Variants in GIN1 observed in about 807,000 individuals in gnomAD.
GIN1 encodes the protein gypsy retrotransposon integrase-like protein 1.
Under a neutral mutation model 51.4 loss-of-function variants are expected in GIN1, and 41 were observed. That is an observed-to-expected ratio of 0.80 (90% CI 0.62 to 1.04). The LOEUF (loss-of-function observed/expected upper bound fraction) is 1.04. GIN1 is among the 50% of genes least tolerant of loss of function. The pLI, the probability that GIN1 is intolerant of heterozygous loss-of-function variation, is 0.00. For missense variants in GIN1, 610 were observed against 612.4 expected (o/e 1.00, Z 0.04); for synonymous variants, 222 against 206.5 (o/e 1.07, Z -0.64).
At chr5:103,115,215 T>C (rs1554197268) in intron 1 of GIN1, among the ~76,000 whole-genome samples, 10 of 152,038 alleles carry the variant, frequency 6.6e-5, no homozygotes. Flanking sequence ...TCTAGTGGGG[T>C]TAAAAGTTTT....
At chr5:103,104,165 G>A (rs1787655291) in intron 4 of GIN1, among the ~76,000 whole-genome samples, 1 of 152,070 alleles carries the variant, frequency 6.6e-6, no homozygotes, top group African/African-American at 2.4e-5. Context: ...TATTGCCCAG[G>A]TGGTCTCGAA....
chr5:103,118,664 C>T (rs1053186617), intron 1 of GIN1, among the ~76,000 whole-genome samples: 1 of 142,850 alleles, frequency 7.0e-6, no homozygotes, highest in Admixed American at 7.1e-5. Flanking sequence ...AAACTCAGTT[C>T]ACGAAAAGCA....
chr5:103,116,920 G>A (rs1554197420), intron 1 of GIN1, among the ~76,000 whole-genome samples: 1 of 151,960 alleles, frequency 6.6e-6, no homozygotes, highest in African/African-American at 2.4e-5. Flanking sequence ...AACAATGCTA[G>A]GTACTACCAA....
chr5:103,110,607 C>G (rs549847162), intron 1 of GIN1, among the ~76,000 whole-genome samples: 2 of 152,232 alleles, frequency 1.3e-5, no homozygotes, highest in East Asian at 1.9e-4. Context: ...TTGGTGAAGA[C>G]AGGCAGCAAC....
In GIN1 at chr5:103,097,743, T is replaced by G. The variant is rs1210264451; in HGVS notation, c.678A>C (p.Gln226His). 84 of 1,580,884 alleles carry G rather than the reference T, an allele frequency of 5.3e-5. No homozygotes were observed. The highest frequency in any genetic ancestry group is 7.0e-5 in the Non-Finnish European group (81 of 1,149,662). The change falls in exon 5 of 8, where the codon CAA becomes CAC. Residue 226 changes from glutamine to histidine, a missense_variant. Transcript: ENST00000399004. ...TTCCAGAGGTGTGAGAAATTACAATTTGCTTTATGCCAAACAATCTGTACA... is the reference window on the plus strand; with the variant it reads ...TTCCAGAGGTGTGAGAAATTACAATGTGCTTTATGCCAAACAATCTGTACA... Reference protein sequence around the residue: ...IELYRLFGIKQIVISHTSGTV... With the variant: ...IELYRLFGIKHIVISHTSGTV...
chr5:103,102,928 G>T (rs1173131133), intron 4 of GIN1, among the ~76,000 whole-genome samples: 2 of 152,144 alleles, frequency 1.3e-5, no homozygotes, highest in African/African-American at 2.4e-5. Context: ...TTCAATTTAT[G>T]AGTATTTTAA....
At chr5:103,091,762 C>T (rs182580409) in intron 7 of GIN1, among the ~76,000 whole-genome samples, 6 of 151,846 alleles carry the variant, frequency 4.0e-5, no homozygotes, top group East Asian at 1.9e-4. Context: ...TGGTGGCTCA[C>T]GCCTGTAATC....
intron 7 of GIN1, among the ~76,000 whole-genome samples, chr5:103,090,276 G>A (rs1288249479): frequency 2.0e-5 from 3 of 152,148 alleles, no homozygotes; most frequent in South Asian, 4.1e-4. Flanking sequence ...GTGACAGAGC[G>A]AGACTCTGTC....
chr5:103,092,941 G>A (rs1554194688), intron 7 of GIN1, among the ~76,000 whole-genome samples: 1 of 34,426 alleles, frequency 2.9e-5, no homozygotes, highest in East Asian at 8.5e-4. Flanking sequence ...GTAAGAACCT[G>A]TCTCAAAAAA....
At chr5:103,093,676 T>C (rs1332122829) in intron 7 of GIN1, among the ~76,000 whole-genome samples, 16 of 152,332 alleles carry the variant, frequency 1.1e-4, no homozygotes, top group Admixed American at 7.8e-4. Flanking sequence ...GCTAAAACCT[T>C]GGGTGAGGCA....
At chr5:103,092,945 CAAAAAAAAAAA>C (rs5870040) in intron 7 of GIN1, among the ~76,000 whole-genome samples, 1 of 60,476 alleles carries the variant, frequency 1.7e-5, no homozygotes, top group Non-Finnish European at 2.9e-5. Context: ...GAACCTGTCT[CAAAAAAAAAAA>C]AAAAAAAAAA....
chr5:103,103,866 T>G (rs1787644182), intron 4 of GIN1, among the ~76,000 whole-genome samples: 1 of 152,158 alleles, frequency 6.6e-6, no homozygotes, highest in Non-Finnish European at 1.5e-5. Context: ...CTCAGTTCAT[T>G]GTAACCTCCG....
chr5:103,114,113 A>G (rs1022284664), intron 1 of GIN1, among the ~76,000 whole-genome samples: 4 of 152,166 alleles, frequency 2.6e-5, no homozygotes, highest in Non-Finnish European at 5.9e-5. Context: ...GCCCCTCATC[A>G]TATTTCAAAA....
At chr5:103,110,209 A>G (rs1177376757) in intron 1 of GIN1, among the ~76,000 whole-genome samples, 1 of 152,052 alleles carries the variant, frequency 6.6e-6, no homozygotes, top group Non-Finnish European at 1.5e-5. Context: ...ACAAAAAAAA[A>G]ACACTATCCT....
At chr5:103,092,235 T>C (rs1214913558) in intron 7 of GIN1, among the ~76,000 whole-genome samples, 4 of 152,104 alleles carry the variant, frequency 2.6e-5, no homozygotes, top group African/African-American at 9.7e-5. Flanking sequence ...CTCGAACTCC[T>C]GAGCTCAGGC....
At chr5:103,088,978 A>G (rs1227549137) in intron 7 of GIN1, among the ~76,000 whole-genome samples, 2 of 152,182 alleles carry the variant, frequency 1.3e-5, no homozygotes, top group African/African-American at 4.8e-5. Flanking sequence ...TAATATCATC[A>G]AATTGTTACA....
chr5:103,104,981 G>A (rs1320439536), intron 3 of GIN1, 135 bp from the exon 4 acceptor site: 3 of 590,460 alleles, frequency 5.1e-6, no homozygotes, highest in African/African-American at 1.9e-5. Context: ...CTTCTGGACT[G>A]AGAATCACTG....
intron 1 of GIN1, among the ~76,000 whole-genome samples, chr5:103,117,471 T>G (rs141166773): frequency 1.3e-5 from 2 of 151,998 alleles, no homozygotes; most frequent in Admixed American, 1.3e-4. Context: ...AGAGCATATA[T>G]AGAACCTGAT....
chr5:103,108,644 C>G lies in GIN1; in HGVS notation c.64G>C (p.Gly22Arg). 6.2e-7 allele frequency: 1 copy of G among 1,603,912 alleles called. No individual in the cohort carries two copies. The highest frequency in any genetic ancestry group is 2.2e-5 in the East Asian group (1 of 44,714). ...LKQIAYYKRT[G>R]EYHSTTLPSE... ...GGCAGTGTAGTTGAATGATATTCAC[C>G]AGTTCGTTTGTAATATGCAATCTGT... Residue 22 changes from glycine (G) to arginine (R), a missense_variant, in exon 2 of 8, where the codon GGT (glycine) becomes CGT (arginine). Transcript: ENST00000399004.
Sources: gnomAD v4.1 joint callset for allele counts (sites outside exome capture counted in the v4.1 genomes callset) on GRCh38, gnomAD v4.1.1 for gene constraint, MANE v1.5 for transcripts, NCBI Gene and HGNC (gene_info 2026-07-23, HGNC 2026-07-21) for gene names.